The following XRCC2 variants were observed in gnomAD, a reference collection of about 807,000 sequenced individuals.
The protein encoded by XRCC2 is DNA repair protein XRCC2.
Under a neutral mutation model 27.3 loss-of-function variants are expected in XRCC2, and 24 were observed. The observed-to-expected ratio is 0.88, with a 90% CI of 0.64 to 1.24. The LOEUF is 1.24. Among genes scored for constraint, XRCC2 ranks in the 50% most tolerant of loss-of-function variants. The pLI, the probability that XRCC2 is intolerant of heterozygous loss-of-function variation, is 0.00. For missense variants in XRCC2, 321 were observed against 325.8 expected, an observed-to-expected ratio of 0.99 and a Z score of 0.11; for synonymous variants, 106 against 115.4, an observed-to-expected ratio of 0.92 and a Z score of 0.52.
chr7:152,674,617 A>T (rs1241689300), intron 1 of XRCC2, among the ~76,000 whole-genome samples: 2 of 146,612 alleles, frequency 1.4e-5, no homozygotes, highest in East Asian at 1.9e-4. Flanking sequence ...ATCTCAAAAA[A>T]ATATATATTT....
At chr7:152,673,390 C>G (rs1278072581) in intron 1 of XRCC2, among the ~76,000 whole-genome samples, 2 of 151,958 alleles carry the variant, frequency 1.3e-5, no homozygotes, top group African/African-American at 2.4e-5. Context: ...CTCTCTAACT[C>G]CTGACCTCAG....
intron 2 of XRCC2, among the ~76,000 whole-genome samples, chr7:152,657,222 TGA>T (rs766180395): frequency 9.5e-6 from 1 of 105,042 alleles, no homozygotes; most frequent in Non-Finnish European, 1.9e-5. Context: ...GGCGACAGAG[TGA>T]GACTCCATCT....
chr7:152,672,275 AAGCATTATTCTAAAACTCTG>A (rs1397379608), intron 1 of XRCC2, among the ~76,000 whole-genome samples: 3 of 152,166 alleles, frequency 2.0e-5, no homozygotes, highest in Non-Finnish European at 4.4e-5. Flanking sequence ...AAAAGGTGAT[AAGCATTATTCTAAAACTCTG>A]TGATTATACA....
intron 1 of XRCC2, among the ~76,000 whole-genome samples, chr7:152,666,288 T>G (rs2098035611): frequency 6.6e-6 from 1 of 152,212 alleles, no homozygotes; most frequent in South Asian, 2.1e-4. Context: ...CATGGCTCTC[T>G]GCAGCCTTGA....
intron 1 of XRCC2, among the ~76,000 whole-genome samples, chr7:152,675,462 A>C (rs967236134): frequency 1.3e-5 from 2 of 152,076 alleles, no homozygotes; most frequent in Admixed American, 6.6e-5. Flanking sequence ...AGTGCTGGAC[A>C]CTTGGTTCAA....
chr7:152,674,769 A>AT (rs1257423688), intron 1 of XRCC2, among the ~76,000 whole-genome samples: 2 of 9,630 alleles, frequency 2.1e-4, no homozygotes, highest in African/African-American at 9.3e-4. Context: ...ATTATATATA[A>AT]ATATATTTTT....
At chr7:152,661,575 A>C (rs2098033104) in intron 1 of XRCC2, among the ~76,000 whole-genome samples, 1 of 152,152 alleles carries the variant, frequency 6.6e-6, no homozygotes. Flanking sequence ...GCTAACAGAA[A>C]CAGGAGCAGC....
intron 1 of XRCC2, 45 bp downstream of exon 1, chr7:152,675,996 C>A: frequency 1.9e-6 from 3 of 1,612,326 alleles, no homozygotes; most frequent in South Asian, 1.1e-5. Flanking sequence ...CGCCCACCGG[C>A]GGCCTTGTTC....
At chr7:152,656,008 G>A (rs1271314715) in intron 2 of XRCC2, among the ~76,000 whole-genome samples, 1 of 152,026 alleles carries the variant, frequency 6.6e-6, no homozygotes, top group Non-Finnish European at 1.5e-5. Flanking sequence ...AAAAATAAAT[G>A]TTTGGATGAG....
chr7:152,671,379 G>A (rs1563034154), intron 1 of XRCC2, among the ~76,000 whole-genome samples: 1 of 152,036 alleles, frequency 6.6e-6, no homozygotes, highest in Non-Finnish European at 1.5e-5. Flanking sequence ...ACTTTAATAT[G>A]TATCTCCTAA....
chr7:152,667,405 C>CAGAAAAAAA (rs2098036287), intron 1 of XRCC2, among the ~76,000 whole-genome samples: 1 of 75,892 alleles, frequency 1.3e-5, no homozygotes, highest in Non-Finnish European at 2.3e-5. Flanking sequence ...AACTCCGTCT[C>CAGAAAAAAA]AAAAAAAAAA....
At chr7:152,674,710 TAATATATTTTTAAATATATATTATATATA>T (rs1554413330) in intron 1 of XRCC2, among the ~76,000 whole-genome samples, 35 of 17,364 alleles carry the variant, frequency 2.0e-3, no homozygotes, top group African/African-American at 8.2e-3. Context: ...TATATTTATA[TAATATATTTTTAAATATATATTATATATA>T]AATATATTTT....
intron 2 of XRCC2, among the ~76,000 whole-genome samples, chr7:152,654,248 T>TATAGC (rs1383585187): frequency 6.6e-6 from 1 of 150,440 alleles, no homozygotes; most frequent in Non-Finnish European, 1.5e-5. Flanking sequence ...AGGGGCTGGT[T>TATAGC]ATAGCAGACT....
At chr7:152,674,723 A>T (rs1394725102) in intron 1 of XRCC2, among the ~76,000 whole-genome samples, 1 of 102,376 alleles carries the variant, frequency 9.8e-6, no homozygotes, top group Non-Finnish European at 1.9e-5. Context: ...TATATTTTTA[A>T]ATATATATTA....
intron 2 of XRCC2, among the ~76,000 whole-genome samples, chr7:152,650,585 T>C (rs2098028101): frequency 6.6e-6 from 1 of 152,150 alleles, no homozygotes; most frequent in South Asian, 2.1e-4. Context: ...CCCAACCAAA[T>C]GATGGTCTAA....
At chr7:152,673,349 A>AT (rs199720614) in intron 1 of XRCC2, among the ~76,000 whole-genome samples, 7,617 of 151,472 alleles carry the variant, frequency 0.05, 649 homozygotes, top group African/African-American at 0.17. Flanking sequence ...CACCCAGCTA[A>AT]TTTTTTTTAT....
Position 152,660,868 on chromosome 7 carries a change from G to T in XRCC2, c.40-86C>A, listed in dbSNP as rs922476027. The T allele has an allele frequency of 5.1e-5, 62 of 1,210,064 alleles. No homozygotes were observed. In the East Asian group the frequency reaches 1.5e-3, roughly 29 times the overall value. 75.0% of individuals were successfully genotyped at this position (1,210,064 alleles called of 1,614,324 possible). A position where few individuals can be genotyped will look rare whatever the true frequency, so the allele number is the denominator to read the frequency against. On this transcript the variant is annotated intron_variant, in intron 1 of 2. Transcript: ENST00000359321. ...TATTTATACCATTTTCCGAAAGTCT[G>T]TAAGATTTCATAACTTTAGGCTGGG... is the stretch of plus-strand genomic sequence containing the variant.
At chr7:152,655,282 G>T (rs921210661) in intron 2 of XRCC2, among the ~76,000 whole-genome samples, 1 of 152,302 alleles carries the variant, frequency 6.6e-6, no homozygotes, top group South Asian at 2.1e-4. Flanking sequence ...AGCCAAAAAA[G>T]CTATCATCTT....
intron 1 of XRCC2, among the ~76,000 whole-genome samples, chr7:152,673,041 A>C (rs1015507453): frequency 6.6e-6 from 1 of 152,168 alleles, no homozygotes; most frequent in Admixed American, 6.5e-5. Flanking sequence ...TAAAAATCCT[A>C]TTGCTACTGT....
Sources: gnomAD v4.1 joint callset for allele counts (sites outside exome capture counted in the v4.1 genomes callset) on GRCh38, gnomAD v4.1.1 for gene constraint, MANE v1.5 for transcripts, NCBI Gene and HGNC (gene_info 2026-07-23, HGNC 2026-07-21) for gene names.